Variants in PRDM2 observed in about 807,000 individuals in gnomAD.
PRDM2 encodes the protein PR domain zinc finger protein 2.
A neutral mutation model predicts 130.0 loss-of-function variants in PRDM2; 30 were observed. That is an observed-to-expected ratio of 0.23 (90% CI 0.17 to 0.31). The LOEUF is 0.31. Among genes scored for constraint, PRDM2 ranks in the 10% least tolerant of loss-of-function variants. The probability of loss-of-function intolerance (pLI) is 1.00; values close to 1 mark genes in which losing one functional copy is unlikely to be tolerated. For synonymous variants in PRDM2, 871 were observed against 782.4 expected, an observed-to-expected ratio of 1.11 and a Z score of -1.89; for missense variants, 2,011 against 2,108.4, an observed-to-expected ratio of 0.95 and a Z score of 0.90.
chr1:13,706,597 G>A (rs1435465652), intron 1 of PRDM2, among the ~76,000 whole-genome samples: 1 of 152,146 alleles, frequency 6.6e-6, no homozygotes, highest in Non-Finnish European at 1.5e-5. Context: ...GAGCCCCCAA[G>A]AACTGCCCAT....
At chr1:13,770,324 T>C (rs764834260) in intron 6 of PRDM2, 1 of 493,266 alleles carries the variant, frequency 2.0e-6, no homozygotes, top group Non-Finnish European at 4.0e-6. Context: ...AAATAGCACT[T>C]ATGTTTTAGA....
intron 2 of PRDM2, among the ~76,000 whole-genome samples, chr1:13,728,535 C>T (rs1643000409): frequency 6.6e-6 from 1 of 152,152 alleles, no homozygotes; most frequent in African/African-American, 2.4e-5. Flanking sequence ...TGGGGCTGCC[C>T]AGCGTCTGGG....
At chr1:13,774,969 A>G (rs962263323) in intron 7 of PRDM2, among the ~76,000 whole-genome samples, 4 of 147,972 alleles carry the variant, frequency 2.7e-5, no homozygotes, top group Non-Finnish European at 4.5e-5. Flanking sequence ...CTCCGTCTCA[A>G]AAAAAAAAAA....
At chr1:13,749,283 G>A (rs1283038738) in intron 5 of PRDM2, 78 bp from the exon 6 acceptor site, 39 of 1,251,006 alleles carry the variant, frequency 3.1e-5, no homozygotes, top group Admixed American at 8.6e-5. Context: ...GCTCCCGCCC[G>A]CGTCCCGGTG....
intron 7 of PRDM2, 66 bp from the exon 8 acceptor site, chr1:13,778,352 A>G: frequency 2.1e-6 from 3 of 1,451,098 alleles, no homozygotes; most frequent in Non-Finnish European, 1.9e-6. Context: ...AATCATTCAG[A>G]TTGTTCACCA....
intron 1 of PRDM2, among the ~76,000 whole-genome samples, chr1:13,708,384 A>G (rs183226018): frequency 3.3e-5 from 5 of 152,318 alleles, no homozygotes; most frequent in African/African-American, 1.2e-4. Flanking sequence ...ATAAACTTAA[A>G]TATATCAAAC....
chr1:13,779,960 C>G lies in PRDM2; in HGVS notation c.2165C>G (p.Pro722Arg), dbSNP rs762794905. Residue 722 changes from proline to arginine, a missense_variant, in exon 8 of 10, where the codon CCT (proline) becomes CGT (arginine). Pro to Arg is a moderately radical substitution (Grantham distance 103). This residue lies in a region of PRDM2 where 1,288 missense variants were observed against 1,237.7 expected (regional missense o/e 1.04). Coordinates refer to ENST00000311066, the MANE Select transcript of PRDM2 (RefSeq NM_001393986.1). This position sits in a 1 kb window ranked among gnomAD's most constrained non-coding sequence, Gnocchi z 4.9. Reference sequence around the variant, plus strand: ...TTAGGTCCTGTTTGTGTGTCTGCTCCTGCATCAATGTTGCCTGTGACCTCA... The same window carrying G: ...TTAGGTCCTGTTTGTGTGTCTGCTCGTGCATCAATGTTGCCTGTGACCTCA... ...AKLGPVCVSA[P>R]ASMLPVTSSR... is the part of the protein sequence containing the mutation. 6.2e-7 allele frequency: 1 copy of G among 1,614,218 alleles called. No individual in the cohort carries two copies. The highest frequency in any genetic ancestry group is 1.7e-5 in the Admixed American group (1 of 60,030).
At chr1:13,764,495 T>A (rs1473169394) in intron 6 of PRDM2, among the ~76,000 whole-genome samples, 1 of 152,250 alleles carries the variant, frequency 6.6e-6, no homozygotes, top group Non-Finnish European at 1.5e-5. Context: ...TGCTTTCTTA[T>A]CTTGAATTTG....
At chr1:13,730,345 TAAA>T (rs545170025) in intron 2 of PRDM2, among the ~76,000 whole-genome samples, 1 of 152,178 alleles carries the variant, frequency 6.6e-6, no homozygotes, top group Non-Finnish European at 1.5e-5. Flanking sequence ...ATAAATAATT[TAAA>T]AAAATTCTCT....
chr1:13,752,788 C>G (rs1156512685), intron 6 of PRDM2, among the ~76,000 whole-genome samples: 1 of 152,110 alleles, frequency 6.6e-6, no homozygotes, highest in Non-Finnish European at 1.5e-5. Flanking sequence ...GGGCGTTTAC[C>G]AGGTGTGCGA....
At chr1:13,807,641 C>A (rs1015478188) in intron 8 of PRDM2, among the ~76,000 whole-genome samples, 3 of 152,084 alleles carry the variant, frequency 2.0e-5, no homozygotes, top group African/African-American at 7.2e-5. Context: ...CCAGGAACAG[C>A]CTGTGCCGAG....
chr1:13,708,538 C>T, intron 1 of PRDM2, among the ~76,000 whole-genome samples: 1 of 152,118 alleles, frequency 6.6e-6, no homozygotes, highest in Non-Finnish European at 1.5e-5. Context: ...AAACTCGATA[C>T]ACTCCACTTC....
chr1:13,778,365 T>C (rs987849656), intron 7 of PRDM2, 53 bp from the exon 8 acceptor site: 20 of 1,497,350 alleles, frequency 1.3e-5, no homozygotes, highest in African/African-American at 1.3e-4. Flanking sequence ...GTTCACCAAG[T>C]AGCTGGTTTC....
chr1:13,808,661 TCA>T (rs760518030), intron 8 of PRDM2, among the ~76,000 whole-genome samples: 43 of 152,180 alleles, frequency 2.8e-4, no homozygotes, highest in South Asian at 1.2e-3. Context: ...AGTGGGAATA[TCA>T]CAGAGTCTTG....
Position 13,722,505 on chromosome 1 carries a change from G to T in PRDM2, c.9+6891G>T, listed in dbSNP as rs936054207. Reference sequence around the variant, plus strand: ...GATTTTTCTGTGATTTCTTCCAATAGAATTTTTTTTTTTAAATCCATGGGT... The same window carrying T: ...GATTTTTCTGTGATTTCTTCCAATATAATTTTTTTTTTTAAATCCATGGGT... On this transcript the variant is annotated intron_variant, in intron 2 of 9. Coordinates refer to ENST00000311066, the MANE Select transcript of PRDM2 (RefSeq NM_001393986.1). 2.6e-5 allele frequency among the ~76,000 whole-genome samples: 4 copies of T among 152,160 alleles called. No homozygotes were observed. The South Asian group carries it at 6.2e-4, about 24-fold the overall frequency.
chr1:13,804,591 C>CCG (rs1553164694), intron 8 of PRDM2, among the ~76,000 whole-genome samples: 1 of 151,382 alleles, frequency 6.6e-6, no homozygotes, highest in African/African-American at 2.4e-5. Flanking sequence ...CAACAAGCTC[C>CCG]GGGGGGGGAA....
Position 13,749,466 on chromosome 1 carries a change from A to G in PRDM2, c.490A>G (p.Ser164Gly), listed in dbSNP as rs1328074925. 2 of 1,486,394 alleles carry G rather than the reference A, an allele frequency of 1.3e-6. No homozygotes were observed. The highest frequency in any genetic ancestry group is 1.8e-6 in the Non-Finnish European group (2 of 1,104,304). The allele number at this position is 1,486,394 out of a possible 1,614,324, so 92.1% of individuals were successfully genotyped here. A position where few individuals can be genotyped will look rare whatever the true frequency, so the allele number is the denominator to read the frequency against. The change falls in exon 6 of 10, where the codon AGC (serine) becomes GGC (glycine). Residue 164 changes from serine (S) to glycine (G), a missense_variant. By Grantham distance (56) the Ser-to-Gly change is moderately conservative. Around this residue, in one of 5 missense-constraint regions of PRDM2, gnomAD observed 1,288 missense variants for 1,237.7 expected, o/e 1.04. Coordinates refer to ENST00000311066, the MANE Select transcript of PRDM2 (RefSeq NM_001393986.1). ...EERASARSKRSSPKSRKGKKK... is the reference protein window; with the variant it reads ...EERASARSKRGSPKSRKGKKK... ...GCGAGCCAGCGCCCGGAGCAAGCGG[A>G]GCTCCCCCAAGAGCCGGAAAGGTAG...
intron 1 of PRDM2, among the ~76,000 whole-genome samples, chr1:13,708,131 A>G (rs1010235560): frequency 1.6e-4 from 24 of 152,168 alleles, no homozygotes; most frequent in Admixed American, 5.9e-4. Flanking sequence ...GAGCTGGCAC[A>G]TTATTAATGG....
chr1:13,749,688 G>A (rs1230404841), intron 6 of PRDM2, among the ~76,000 whole-genome samples: 1 of 151,274 alleles, frequency 6.6e-6, no homozygotes, highest in Non-Finnish European at 1.5e-5. Context: ...CGGGCCCTGC[G>A]ATCGCTGCCC....
Sources: allele counts gnomAD v4.1 joint callset (sites outside exome capture counted in the v4.1 genomes callset), GRCh38; gene constraint gnomAD v4.1.1; regional missense constraint gnomAD v4.1.1; non-coding constraint Gnocchi (gnomAD v3.1); transcripts MANE v1.5; gene names NCBI Gene and HGNC (gene_info 2026-07-23, HGNC 2026-07-21).